Variants in ARHGAP6 observed in about 807,000 individuals in gnomAD.
ARHGAP6 encodes rho GTPase-activating protein 6.
In ARHGAP6, 16 loss-of-function variants were observed where a neutral mutation model predicts 55.7. The ratio of observed to expected loss-of-function variants is 0.29; its 90% CI spans 0.19 to 0.44. The LOEUF (loss-of-function observed/expected upper bound fraction) is 0.44. Among genes scored for constraint, ARHGAP6 ranks in the 20% least tolerant of loss-of-function variants. The probability of loss-of-function intolerance (pLI) is 1.00; values close to 1 mark genes in which losing one functional copy is unlikely to be tolerated. For synonymous variants in ARHGAP6, 382 were observed against 360.9 expected (o/e 1.06, Z -0.66); for missense variants, 698 against 808.9 (o/e 0.86, Z 1.66).
intron 2 of ARHGAP6, among the ~76,000 whole-genome samples, chrX:11,209,062 C>T (rs1375417137): frequency 8.9e-6 from 1 of 111,952 alleles, no homozygotes; most frequent in African/African-American, 3.2e-5. Context: ...CTTTATAATA[C>T]CCATGTAGAA....
At chrX:11,427,898 T>G in intron 1 of ARHGAP6, 1 of 557,391 alleles carries the variant, frequency 1.8e-6, no homozygotes, top group Non-Finnish European at 2.2e-6. Context: ...GGCGGGCGTT[T>G]AATTCCTTCC....
At chrX:11,425,253 C>A (rs559899882) in intron 1 of ARHGAP6, among the ~76,000 whole-genome samples, 142 of 111,839 alleles carry the variant, frequency 1.3e-3, no homozygotes, top group African/African-American at 4.2e-3. Context: ...CCCAAGATCA[C>A]AGGAAAATGC....
At chrX:11,156,440 ATG>A in intron 10 of ARHGAP6, 87 bp downstream of exon 10, 1 of 843,565 alleles carries the variant, frequency 1.2e-6, no homozygotes, top group Admixed American at 2.9e-5. Flanking sequence ...GTCACCCTGC[ATG>A]TACTTATGTA....
intron 1 of ARHGAP6, among the ~76,000 whole-genome samples, chrX:11,507,017 AGT>A (rs1490203778): frequency 8.9e-6 from 1 of 111,923 alleles, no homozygotes; most frequent in African/African-American, 3.2e-5. Flanking sequence ...CATAGTACAT[AGT>A]GTCTTAATCA....
intron 1 of ARHGAP6, among the ~76,000 whole-genome samples, chrX:11,555,776 G>A (rs1212869906): frequency 9.0e-6 from 1 of 110,943 alleles, no homozygotes; most frequent in Non-Finnish European, 1.9e-5. Flanking sequence ...ATGAGCCACA[G>A]TGATATTTGG....
At chrX:11,617,007 A>G (rs1374322738) in intron 1 of ARHGAP6, among the ~76,000 whole-genome samples, 1 of 111,772 alleles carries the variant, frequency 8.9e-6, no homozygotes, top group Non-Finnish European at 1.9e-5. Context: ...AGCTATAAAA[A>G]CCTTGGCTAC....
intron 1 of ARHGAP6, among the ~76,000 whole-genome samples, chrX:11,443,389 G>A (rs982895863): frequency 2.7e-5 from 3 of 111,944 alleles, no homozygotes; most frequent in African/African-American, 9.8e-5. Flanking sequence ...ATATACGTAG[G>A]CATTTCTGTT....
intron 1 of ARHGAP6, among the ~76,000 whole-genome samples, chrX:11,588,599 G>A (rs1347631231): frequency 1.8e-5 from 2 of 112,272 alleles, no homozygotes; most frequent in Non-Finnish European, 3.8e-5. Context: ...AGGAAATTAA[G>A]TACTGATACA....
chrX:11,471,373 G>A (rs1013514472), intron 1 of ARHGAP6, among the ~76,000 whole-genome samples: 22 of 111,935 alleles, frequency 2.0e-4, no homozygotes, highest in African/African-American at 7.1e-4. Flanking sequence ...AATGGAAATT[G>A]TAAACTTGGA....
chrX:11,502,192 A>G (rs1369625364), intron 1 of ARHGAP6, among the ~76,000 whole-genome samples: 1 of 112,895 alleles, frequency 8.9e-6, no homozygotes, highest in African/African-American at 3.2e-5. Flanking sequence ...AATTACAACT[A>G]CATGTGACAA....
At chrX:11,266,539 G>A (rs1029376484) in intron 1 of ARHGAP6, among the ~76,000 whole-genome samples, 2 of 110,801 alleles carry the variant, frequency 1.8e-5, no homozygotes, top group African/African-American at 3.3e-5. Context: ...TGAACAGAGG[G>A]TGTGGAGGTC....
Position 11,188,915 on chromosome X carries a change from T to C in ARHGAP6, c.890A>G (p.Lys297Arg), listed in dbSNP as rs1686480005. ...VIANDRAYKLKQDLQRDEQKD... is the reference protein window; with the variant it reads ...VIANDRAYKLRQDLQRDEQKD... ...CTGCTCGTCCCTCTGCAAGTCCTGCTTGAGTTTATAGGCCCTGTCATTCGC... is the reference window on the plus strand; with the variant it reads ...CTGCTCGTCCCTCTGCAAGTCCTGCCTGAGTTTATAGGCCCTGTCATTCGC... Residue 297 changes from lysine (K) to arginine (R), a missense_variant, in exon 4 of 13, where the codon AAG (lysine) becomes AGG (arginine). By Grantham distance (26) the Lys-to-Arg change is conservative. Transcript: ENST00000337414. The C allele has an allele frequency of 8.3e-7, 1 of 1,211,580 alleles. No homozygotes were observed. The highest frequency in any genetic ancestry group is 1.1e-6 in the Non-Finnish European group (1 of 895,459).
At position 11,178,121 on chromosome X, in the gene ARHGAP6, G is replaced by A. The variant is rs777507751; in HGVS notation, c.1608C>T (p.Asn536=). 7 of 1,209,721 alleles carry A rather than the reference G, an allele frequency of 5.8e-6. No individual in the cohort carries two copies. In the African/African-American group the frequency reaches 1.1e-4, roughly 18 times the overall value. Residue 536 remains asparagine (N), a synonymous_variant, in exon 8 of 13, where the codon AAC becomes AAT. Transcript: ENST00000337414. ...TTACCTCTTGCCCATCTTTGCTGAT[G>A]TTGTCATCGGCATGCCTGGCCACGA... ...LSIVARHADD[N]ISKDGQEVTG...
chrX:11,251,469 T>C (rs2047422794), intron 2 of ARHGAP6, among the ~76,000 whole-genome samples: 1 of 111,861 alleles, frequency 8.9e-6, no homozygotes, highest in Non-Finnish European at 1.9e-5. Context: ...TGGCAGCTGA[T>C]GATCATGTTA....
intron 8 of ARHGAP6, among the ~76,000 whole-genome samples, chrX:11,175,983 T>C (rs1325283516): frequency 9.4e-6 from 1 of 106,526 alleles, no homozygotes; most frequent in Non-Finnish European, 1.9e-5. Context: ...ATAACGACAT[T>C]GTCCTTCTTC....
intron 2 of ARHGAP6, among the ~76,000 whole-genome samples, chrX:11,222,250 C>T (rs1030627257): frequency 9.9e-5 from 11 of 111,668 alleles, no homozygotes; most frequent in Non-Finnish European, 5.6e-5. Flanking sequence ...TCTGTAGAGA[C>T]GATGGAGACA....
intron 2 of ARHGAP6, among the ~76,000 whole-genome samples, chrX:11,199,652 A>G (rs1164018782): frequency 8.9e-6 from 1 of 112,426 alleles, no homozygotes; most frequent in African/African-American, 3.2e-5. Context: ...CAAGGATAAT[A>G]TATACTTTAA....
In ARHGAP6 at chrX:11,171,738, T is replaced by G. The variant is rs1371933951; in HGVS notation, c.1630-2054A>C. On this transcript the variant is annotated intron_variant, in intron 8 of 12. Coordinates refer to ENST00000337414, the MANE Select transcript of ARHGAP6 (RefSeq NM_013427.3). The stretch of plus-strand genomic sequence containing the variant: ...TAGGGTTTCTCTACCTCGACACTAG[T>G]GACATGTAATACCAGATCATTCTTT... Among the ~76,000 whole-genome samples the G allele has an allele frequency of 3.6e-5, 4 of 111,509 alleles. No individual in the cohort carries two copies. The Admixed American group carries it at 3.8e-4, about 11-fold the overall frequency.
intron 1 of ARHGAP6, among the ~76,000 whole-genome samples, chrX:11,633,717 A>G (rs756944625): frequency 6.3e-5 from 7 of 111,877 alleles, no homozygotes; most frequent in Non-Finnish European, 9.4e-5. Context: ...TTCACTAGAC[A>G]AGATGCATTG....
Sources: allele counts gnomAD v4.1 joint callset (sites outside exome capture counted in the v4.1 genomes callset), GRCh38; gene constraint gnomAD v4.1.1; transcripts MANE v1.5; gene names NCBI Gene and HGNC (gene_info 2026-07-23, HGNC 2026-07-21).